CRIM1: variants seen among roughly 807,000 people sequenced by gnomAD.
CRIM1 encodes cysteine rich transmembrane BMP regulator 1.
In CRIM1, 32 loss-of-function variants were observed where a neutral mutation model predicts 116.4. That is an observed-to-expected ratio of 0.27 (90% CI 0.21 to 0.37). The LOEUF (loss-of-function observed/expected upper bound fraction) is 0.37, where lower values mean the gene tolerates loss of function less well. Ranked by LOEUF, CRIM1 falls within the 10% of genes least tolerant of loss-of-function variation. The pLI is 1.00. For missense variants in CRIM1, 1,331 were observed against 1,354.8 expected (o/e 0.98, Z 0.28); for synonymous variants, 590 against 509.2 (o/e 1.16, Z -2.13).
chr2:36,448,015 A>C (rs1432519742), intron 4 of CRIM1, among the ~76,000 whole-genome samples: 1 of 152,186 alleles, frequency 6.6e-6, no homozygotes. Context: ...CACGTGATTT[A>C]AGAGCCTCTG....
At chr2:36,481,889 G>T (rs1302495785) in intron 7 of CRIM1, among the ~76,000 whole-genome samples, 1 of 152,206 alleles carries the variant, frequency 6.6e-6, no homozygotes, top group Non-Finnish European at 1.5e-5. Context: ...TTTTGGCTCT[G>T]TTGAGGAGTG....
intron 6 of CRIM1, 52 bp from the exon 7 acceptor site, chr2:36,479,445 G>T: frequency 1.3e-6 from 2 of 1,570,880 alleles, no homozygotes; most frequent in East Asian, 2.2e-5. Context: ...TACTGACAGA[G>T]ATAAGATTTA....
intron 10 of CRIM1, 57 bp downstream of exon 10, chr2:36,512,451 G>T: frequency 6.4e-7 from 1 of 1,550,566 alleles, no homozygotes; most frequent in South Asian, 1.2e-5. Context: ...CCGAAACAAG[G>T]AACATAAGGA....
At chr2:36,432,934 C>G (rs1395594012) in intron 2 of CRIM1, among the ~76,000 whole-genome samples, 1 of 152,086 alleles carries the variant, frequency 6.6e-6, no homozygotes, top group Non-Finnish European at 1.5e-5. Flanking sequence ...AGTCATTATT[C>G]TGGCACTAAA....
At chr2:36,522,713 A>AATC (rs1665481925) in intron 13 of CRIM1, among the ~76,000 whole-genome samples, 1 of 151,286 alleles carries the variant, frequency 6.6e-6, no homozygotes. Context: ...GAGGCAGGAG[A>AATC]ATCACTTGAA....
At chr2:36,467,002 T>A (rs145838167) in intron 5 of CRIM1, among the ~76,000 whole-genome samples, 17 of 152,356 alleles carry the variant, frequency 1.1e-4, no homozygotes, top group Non-Finnish European at 1.9e-4. Context: ...CAGTCTGATG[T>A]GTCTCAAACT....
chr2:36,445,175 A>G (rs1355187705), intron 4 of CRIM1, among the ~76,000 whole-genome samples: 1 of 152,174 alleles, frequency 6.6e-6, no homozygotes, highest in Non-Finnish European at 1.5e-5. Context: ...AAAGAAAAAG[A>G]ATGAATATTT....
rs1675940841 is a variant in CRIM1 at position 36,442,633 on chromosome 2, G to A, written c.767G>A (p.Arg256Lys). The change falls in exon 4 of 17, where the codon AGG becomes AAG. Residue 256 changes from arginine (R) to lysine (K), a missense_variant. This residue lies in a region of CRIM1 where 690 missense variants were observed against 676.0 expected (regional missense o/e 1.02). Transcript: ENST00000280527. Reference protein sequence around the residue: ...ECKPVFGVDCRTVECPPVQQT... With the variant: ...ECKPVFGVDCKTVECPPVQQT... ...CTTTCAGTTTTCGGCGTGGACTGCAGGACTGTGGAATGCCCTCCTGTTCAG... is the reference window on the plus strand; with the variant it reads ...CTTTCAGTTTTCGGCGTGGACTGCAAGACTGTGGAATGCCCTCCTGTTCAG... The A allele has an allele frequency of 6.2e-7, 1 of 1,614,026 alleles. No homozygotes were observed. Among genetic ancestry groups the A allele is most frequent in the Non-Finnish European group, 8.5e-7 (1 of 1,180,010 alleles).
chr2:36,452,787 A>T (rs1572764874), intron 4 of CRIM1, among the ~76,000 whole-genome samples: 1 of 152,132 alleles, frequency 6.6e-6, no homozygotes, highest in Admixed American at 6.5e-5. Context: ...AGTGGCTTCC[A>T]GTTTAATCCG....
intron 2 of CRIM1, among the ~76,000 whole-genome samples, chr2:36,428,519 A>G (rs776458729): frequency 2.0e-5 from 3 of 152,250 alleles, no homozygotes; most frequent in Non-Finnish European, 4.4e-5. Flanking sequence ...CTTTCTGCTT[A>G]AAGTTCATAT....
chr2:36,393,726 G>A (rs1238116078), intron 1 of CRIM1, among the ~76,000 whole-genome samples: 1 of 152,170 alleles, frequency 6.6e-6, no homozygotes, highest in Non-Finnish European at 1.5e-5. Flanking sequence ...GATAGCAGAG[G>A]AAGAAGGGAA....
chr2:36,488,165 C>T (rs1021496553), intron 7 of CRIM1, among the ~76,000 whole-genome samples: 1 of 152,164 alleles, frequency 6.6e-6, no homozygotes, highest in Non-Finnish European at 1.5e-5. Context: ...GTTAAACCCC[C>T]ATTAGAACTT....
At chr2:36,515,450 C>T (rs182701606) in intron 11 of CRIM1, among the ~76,000 whole-genome samples, 6 of 152,310 alleles carry the variant, frequency 3.9e-5, no homozygotes, top group Admixed American at 3.9e-4. Context: ...TTCTGCAAAT[C>T]TTTAGCATGT....
In CRIM1 at chr2:36,400,927, T is replaced by C. The variant is rs139319251; in HGVS notation, c.505+4140T>C. On this transcript the variant is annotated intron_variant, in intron 2 of 16. Transcript: ENST00000280527. ...TGAATAGTCTAGTTAAAGCCTCCTTTTAGGGACTCTTCTTTGAGTAGTTTA... is the reference window on the plus strand; with the variant it reads ...TGAATAGTCTAGTTAAAGCCTCCTTCTAGGGACTCTTCTTTGAGTAGTTTA... Among the ~76,000 whole-genome samples the C allele has an allele frequency of 3.5e-3, 538 of 152,152 alleles. 2 individuals are homozygous for C. Among genetic ancestry groups the C allele is most frequent in the African/African-American group, 0.013 (524 of 41,500 alleles).
chr2:36,429,582 C>A (rs181197316), intron 2 of CRIM1, among the ~76,000 whole-genome samples: 1 of 152,102 alleles, frequency 6.6e-6, no homozygotes, highest in Non-Finnish European at 1.5e-5. Context: ...AAAAGAGAGA[C>A]CAGCACACAG....
chr2:36,365,366 C>A (rs868868149), intron 1 of CRIM1, among the ~76,000 whole-genome samples: 20 of 152,150 alleles, frequency 1.3e-4, no homozygotes, highest in African/African-American at 4.1e-4. Flanking sequence ...TTCTGGACAT[C>A]ACTGGAGACG....
In CRIM1 at chr2:36,356,233, G is replaced by C; in HGVS notation, c.-60G>C. ...GGCGGCGCGTGTGCCCCGCGCAGGG[G>C]AGGGCGCCCGCCCCGCTCCCGGCCC... On this transcript the variant is annotated 5_prime_UTR_variant, in exon 1 of 17. Transcript: ENST00000280527. The surrounding 1 kb of genome is among the most constrained non-coding windows in gnomAD (Gnocchi z 4.3). 9.8e-7 allele frequency: 1 copy of C among 1,020,836 alleles called. No individual in the cohort carries two copies. The highest frequency in any genetic ancestry group is 1.3e-6 in the Non-Finnish European group (1 of 760,396). The allele number at this position is 1,020,836 out of a possible 1,614,324, so 63.2% of individuals were successfully genotyped here.
intron 5 of CRIM1, among the ~76,000 whole-genome samples, chr2:36,475,921 A>G (rs1289936842): frequency 6.6e-6 from 1 of 152,194 alleles, no homozygotes; most frequent in Non-Finnish European, 1.5e-5. Context: ...TTCTTGGAAT[A>G]AGTCTCACTT....
intron 14 of CRIM1, among the ~76,000 whole-genome samples, 193 bp downstream of exon 14, chr2:36,537,739 T>G (rs1028686316): frequency 3.9e-5 from 6 of 152,246 alleles, no homozygotes; most frequent in African/African-American, 1.4e-4. Flanking sequence ...AGGGGCAGAT[T>G]TTGGTTCCAT....
Sources: gnomAD v4.1 joint callset for allele counts (sites outside exome capture counted in the v4.1 genomes callset) on GRCh38, gnomAD v4.1.1 for gene constraint, gnomAD v4.1.1 regional missense constraint, Gnocchi (gnomAD v3.1) non-coding constraint, MANE v1.5 for transcripts, NCBI Gene and HGNC (gene_info 2026-07-23, HGNC 2026-07-21) for gene names.